ZFP14: variants seen among roughly 807,000 people sequenced by gnomAD.
ZFP14 encodes the protein ZFP14 zinc finger protein, also known as zinc finger protein 14 homolog.
Under a neutral mutation model 54.5 loss-of-function variants are expected in ZFP14, and 22 were observed. The ratio of observed to expected loss-of-function variants is 0.40; its 90% CI spans 0.29 to 0.58. The LOEUF is 0.58. Among genes scored for constraint, ZFP14 ranks in the 20% least tolerant of loss-of-function variants. ZFP14 has a pLI of 0.39. For missense variants in ZFP14, 470 were observed against 637.8 expected (o/e 0.74, Z 2.83); for synonymous variants, 159 against 204.0 (o/e 0.78, Z 1.88).
chr19:36,369,647 T>C (rs184917121), intron 1 of ZFP14, among the ~76,000 whole-genome samples: 6 of 151,506 alleles, frequency 4.0e-5, no homozygotes, highest in South Asian at 2.1e-4. Flanking sequence ...CTGACCTCAA[T>C]TGATCCACCC....
chr19:36,349,033 G>A (rs1223062148), intron 4 of ZFP14, among the ~76,000 whole-genome samples: 1 of 151,554 alleles, frequency 6.6e-6, no homozygotes, highest in Non-Finnish European at 1.5e-5. Flanking sequence ...TTCGAGACCA[G>A]CCTGGCCAAC....
chr19:36,340,696 A>C lies in ZFP14; in HGVS notation c.1130T>G (p.Phe377Cys). The change falls in exon 5 of 5, where the codon TTT becomes TGT. Residue 377 changes from phenylalanine to cysteine, a missense_variant. By Grantham distance (205) the Phe-to-Cys change is radical. Transcript: ENST00000270001. The surrounding 1 kb of genome is among the most constrained non-coding windows in gnomAD (Gnocchi z 5.4). ...GCGAACTAGTTGTTGTCTTAATCTA[A>C]AAGTCTTCCCACATTCCTTACATTC... The part of the protein sequence containing the change: ...PYECKECGKT[F>C]RLRQQLVRHQ... 1.9e-6 allele frequency: 3 copies of C among 1,613,950 alleles called. No individual in the cohort carries two copies. The highest frequency in any genetic ancestry group is 2.5e-6 in the Non-Finnish European group (3 of 1,179,904).
chr19:36,354,440 C>T (rs2031581800), intron 4 of ZFP14, among the ~76,000 whole-genome samples: 1 of 140,988 alleles, frequency 7.1e-6, no homozygotes. Flanking sequence ...TCGCTCTTGC[C>T]TAACATTATC....
Position 36,341,058 on chromosome 19 carries a change from A to G in ZFP14, c.768T>C (p.Tyr256=). The part of the protein sequence containing the change: ...HQRLHTGEKP[Y]ECKECGKAFR... The stretch of plus-strand genomic sequence containing the variant: ...AGGCCTTTCCACATTCCTTACATTC[A>G]TAGGGTTTTTCACCCGTATGAAGTC... The change falls in exon 5 of 5, where the codon TAT becomes TAC. Residue 256 remains tyrosine, a synonymous_variant. Transcript: ENST00000270001. This position sits in a 1 kb window ranked among gnomAD's most constrained non-coding sequence, Gnocchi z 4.2. 1 of 1,613,932 alleles carries G rather than the reference A, an allele frequency of 6.2e-7. No homozygotes were observed. Among genetic ancestry groups the G allele is most frequent in the African/African-American group, 1.3e-5 (1 of 74,956 alleles).
intron 2 of ZFP14, among the ~76,000 whole-genome samples, chr19:36,366,422 C>G (rs1430427329): frequency 1.3e-5 from 2 of 152,164 alleles, no homozygotes; most frequent in Non-Finnish European, 2.9e-5. Context: ...GAGCTCTAGT[C>G]ATTCGCCCAC....
In ZFP14 at chr19:36,338,852, A is replaced by G. The variant is rs2145536538; in HGVS notation, c.*1372T>C. ...TTTCCCACAGGAGTTTTATACACAC[A>G]CATAAATATACACAACAATATTAAA... On this transcript the variant is annotated 3_prime_UTR_variant, in exon 5 of 5. Coordinates refer to ENST00000270001, the MANE Select transcript of ZFP14 (RefSeq NM_020917.3). The G allele has an allele frequency of 1.3e-5, 2 of 152,336 alleles. No individual in the cohort carries two copies. The highest frequency in any genetic ancestry group is 3.9e-4 in the East Asian group (2 of 5,188). The allele number at this position is 152,336 out of a possible 1,614,324, so 9.4% of individuals were successfully genotyped here.
intron 4 of ZFP14, among the ~76,000 whole-genome samples, chr19:36,343,555 C>T (rs2145541197): frequency 6.6e-6 from 1 of 152,290 alleles, no homozygotes; most frequent in South Asian, 2.1e-4. Context: ...AGTCTATGCA[C>T]TTTACGCTTG....
rs1691411971 is a variant in ZFP14 at position 36,351,459 on chromosome 19, A to G, written c.235+8976T>C. Reference sequence around the variant, plus strand: ...GGTTGCAGTGAGCCAGGATCCCACCACTGCACTCCAGCCTAGGCAACAGAG... The same window carrying G: ...GGTTGCAGTGAGCCAGGATCCCACCGCTGCACTCCAGCCTAGGCAACAGAG... On this transcript the variant is annotated intron_variant, in intron 4 of 4. Coordinates refer to ENST00000270001, the MANE Select transcript of ZFP14 (RefSeq NM_020917.3). 2.1e-5 allele frequency among the ~76,000 whole-genome samples: 3 copies of G among 142,544 alleles called. 1 individual carries two copies. Among genetic ancestry groups the G allele is most frequent in the African/African-American group, 5.2e-5 (2 of 38,806 alleles). The allele number at this position is 142,544 out of a possible 152,430, so 93.5% of individuals were successfully genotyped here.
rs772188194 is a variant in ZFP14, at chr19:36,358,080, CTATCTATCTATCATCT to C, written c.235+2339_235+2354del. Reference sequence around the variant, plus strand: ...TCTATCTATCTATCTATCTATCTATCTATCTATCTATCATCTATCTATCTATCTATCTATCTATTTT... The same window carrying C: ...TCTATCTATCTATCTATCTATCTATCATCTATCTATCTATCTATCTATTTT... On this transcript the variant is annotated intron_variant, in intron 4 of 4. Coordinates refer to ENST00000270001, the MANE Select transcript of ZFP14 (RefSeq NM_020917.3). 1.8e-3 allele frequency among the ~76,000 whole-genome samples: 269 copies of C among 146,736 alleles called. 2 individuals carry two copies. Among genetic ancestry groups the C allele is most frequent in the Non-Finnish European group, 1.7e-3 (112 of 66,608 alleles).
chr19:36,346,742 C>T (rs1360246957), intron 4 of ZFP14, among the ~76,000 whole-genome samples: 2 of 152,228 alleles, frequency 1.3e-5, no homozygotes, highest in African/African-American at 2.4e-5. Context: ...AGGCGTAAGC[C>T]ACTGCGCCCA....
chr19:36,363,520 G>T (rs1024711650), intron 2 of ZFP14, among the ~76,000 whole-genome samples: 1 of 151,950 alleles, frequency 6.6e-6, no homozygotes, highest in Non-Finnish European at 1.5e-5. Flanking sequence ...TTTCAATGAG[G>T]AGTCATTTTG....
chr19:36,347,627 A>AAAGG (rs1805509839), intron 4 of ZFP14, among the ~76,000 whole-genome samples: 1 of 149,666 alleles, frequency 6.7e-6, no homozygotes, highest in Non-Finnish European at 1.5e-5. Flanking sequence ...CAAAGAAAAG[A>AAAGG]AAGAAAAAGA....
rs1227311651 is a variant in ZFP14 at position 36,338,536 on chromosome 19, A to AG, written c.*1687_*1688insC. On this transcript the variant is annotated 3_prime_UTR_variant, in exon 5 of 5. Transcript: ENST00000270001. ...CCCTTTCTCTAAAAAAAAAAAAAAA[A>AG]TTTAGGTGGAAGAATCACTTGAGCC... 1 of 150,962 alleles carries AG rather than the reference A, an allele frequency of 6.6e-6. No homozygotes were observed. The highest frequency in any genetic ancestry group is 1.5e-5 in the Non-Finnish European group (1 of 67,614). The allele number at this position is 150,962 out of a possible 1,614,324, so 9.4% of individuals were successfully genotyped here.
chr19:36,337,311 C>T lies in ZFP14; in HGVS notation c.*2913G>A, dbSNP rs191119262. Reference sequence around the variant, plus strand: ...TTTGCTCTGTAGAATTTCACACATTCTGGATCTGTTTGGCTTCTTCCTTGT... The same window carrying T: ...TTTGCTCTGTAGAATTTCACACATTTTGGATCTGTTTGGCTTCTTCCTTGT... On this transcript the variant is annotated 3_prime_UTR_variant, in exon 5 of 5. Transcript: ENST00000270001. 5.3e-5 allele frequency: 8 copies of T among 152,190 alleles called. No individual in the cohort carries two copies. In the East Asian group the frequency reaches 1.5e-3, roughly 29 times the overall value. The allele number at this position is 152,190 out of a possible 1,614,324, so 9.4% of individuals were successfully genotyped here.
intron 4 of ZFP14, among the ~76,000 whole-genome samples, chr19:36,346,752 A>G (rs936585901): frequency 6.6e-6 from 1 of 152,200 alleles, no homozygotes; most frequent in Non-Finnish European, 1.5e-5. Flanking sequence ...CACTGCGCCC[A>G]GCCGCTCTCA....
Position 36,350,543 on chromosome 19 carries a change from G to A in ZFP14, c.236-8953C>T, listed in dbSNP as rs1160791891. ...TTGAGCCCAGGAGGGTGAGGCTGCC[G>A]TGAGCTGAAATCATGCCACTGCACT... On this transcript the variant is annotated intron_variant, in intron 4 of 4. Transcript: ENST00000270001. 2.8e-5 allele frequency among the ~76,000 whole-genome samples: 4 copies of A among 140,752 alleles called. 1 individual carries two copies. Among genetic ancestry groups the A allele is most frequent in the Non-Finnish European group, 4.7e-5 (3 of 63,836 alleles). 92.3% of individuals were successfully genotyped at this position (140,752 alleles called of 152,430 possible). A position where few individuals can be genotyped will look rare whatever the true frequency, so the allele number is the denominator to read the frequency against.
rs1373190662 is a variant in ZFP14 at position 36,356,604 on chromosome 19, T to A, written c.235+3831A>T. ...ACTCACCTGTACCATGACTGCAAGATTTCCTCATGTTACCCCTTTCTAACC... is the reference window on the plus strand; with the variant it reads ...ACTCACCTGTACCATGACTGCAAGAATTCCTCATGTTACCCCTTTCTAACC... On this transcript the variant is annotated intron_variant, in intron 4 of 4. Coordinates refer to ENST00000270001, the MANE Select transcript of ZFP14 (RefSeq NM_020917.3). Among the ~76,000 whole-genome samples, 16 of 152,092 alleles carry A rather than the reference T, an allele frequency of 1.1e-4. 1 individual carries two copies. The highest frequency in any genetic ancestry group is 1.0e-3 in the Admixed American group (16 of 15,244).
chr19:36,349,455 A>T (rs934589586), intron 4 of ZFP14, among the ~76,000 whole-genome samples: 1 of 150,470 alleles, frequency 6.6e-6, no homozygotes, highest in African/African-American at 2.4e-5. Context: ...ACCTGAGCTC[A>T]GGAGTTTGAG....
rs2031237733 is a variant in ZFP14 at position 36,338,020 on chromosome 19, GAGA to G, written c.*2201_*2203del. On this transcript the variant is annotated 3_prime_UTR_variant, in exon 5 of 5. Transcript: ENST00000270001. ...CATTCAAAAAACAAATTTTTTTTTT[GAGA>G]CAGGGTCTCACTCTGTCACCCAGGC... The G allele has an allele frequency of 2.7e-5, 4 of 150,350 alleles. No homozygotes were observed. The highest frequency in any genetic ancestry group is 2.6e-4 in the Admixed American group (4 of 15,150). The allele number at this position is 150,350 out of a possible 1,614,324, so 9.3% of individuals were successfully genotyped here. A position where few individuals can be genotyped will look rare whatever the true frequency, so the allele number is the denominator to read the frequency against.
Sources: gnomAD v4.1 joint callset for allele counts (sites outside exome capture counted in the v4.1 genomes callset) on GRCh38, gnomAD v4.1.1 for gene constraint, Gnocchi (gnomAD v3.1) non-coding constraint, MANE v1.5 for transcripts, NCBI Gene and HGNC (gene_info 2026-07-23, HGNC 2026-07-21) for gene names.